TEX36: variants seen among roughly 807,000 people sequenced by gnomAD.
The protein encoded by TEX36 is testis-expressed protein 36.
TEX36 carries 12 observed loss-of-function variants against 13.6 expected under a neutral mutation model. That is an observed-to-expected ratio of 0.88 (90% CI 0.56 to 1.43). The LOEUF (loss-of-function observed/expected upper bound fraction) is 1.43, where lower values mean the gene tolerates loss of function less well. Ranked by LOEUF, TEX36 falls within the 40% of genes most tolerant of loss-of-function variation. The pLI, the probability that TEX36 is intolerant of heterozygous loss-of-function variation, is 0.00. For synonymous variants in TEX36, 93 were observed against 83.0 expected (o/e 1.12, Z -0.65); for missense variants, 224 against 228.3 (o/e 0.98, Z 0.12).
intron 3 of TEX36, among the ~76,000 whole-genome samples, chr10:125,596,606 T>C (rs529476448): frequency 1.3e-5 from 2 of 152,362 alleles, no homozygotes; most frequent in South Asian, 4.1e-4. Flanking sequence ...GTTTATTACC[T>C]TATTGTTGTT....
At chr10:125,623,779 C>T (rs1846454047) in intron 3 of TEX36, among the ~76,000 whole-genome samples, 1 of 152,044 alleles carries the variant, frequency 6.6e-6, no homozygotes, top group African/African-American at 2.4e-5. Flanking sequence ...AAATATGTAC[C>T]CAGGGATTTA....
chr10:125,580,761 G>A (rs559138400), intron 3 of TEX36, among the ~76,000 whole-genome samples: 4 of 152,108 alleles, frequency 2.6e-5, no homozygotes, highest in Non-Finnish European at 5.9e-5. Context: ...CAGGGGTAGG[G>A]AAATGACCCA....
At chr10:125,600,336 AGGGAG>A (rs1300931673) in intron 3 of TEX36, among the ~76,000 whole-genome samples, 1 of 152,020 alleles carries the variant, frequency 6.6e-6, no homozygotes, top group Non-Finnish European at 1.5e-5. Context: ...CTGGGGAGCT[AGGGAG>A]GGAAGAGATC....
chr10:125,586,545 T>G (rs1406797224), intron 3 of TEX36, among the ~76,000 whole-genome samples: 2 of 149,742 alleles, frequency 1.3e-5, no homozygotes, highest in Admixed American at 1.4e-4. Flanking sequence ...CTTCCAGCAG[T>G]GTGAGAGGTC....
chr10:125,647,122 T>C (rs1846781825), intron 3 of TEX36, among the ~76,000 whole-genome samples: 1 of 152,198 alleles, frequency 6.6e-6, no homozygotes, highest in African/African-American at 2.4e-5. Context: ...AATCCATTGA[T>C]ATACCTTATT....
chr10:125,645,782 T>C (rs1024703344), intron 3 of TEX36, among the ~76,000 whole-genome samples: 13 of 152,144 alleles, frequency 8.5e-5, no homozygotes, highest in African/African-American at 2.9e-4. Context: ...CAACTTTCTA[T>C]GGCCCTATAA....
At chr10:125,614,632 T>C (rs1297810047) in intron 3 of TEX36, among the ~76,000 whole-genome samples, 1 of 152,104 alleles carries the variant, frequency 6.6e-6, no homozygotes, top group African/African-American at 2.4e-5. Context: ...TTCTGTTCCA[T>C]TGATCTATAT....
chr10:125,613,755 C>T (rs1012104083), intron 3 of TEX36, among the ~76,000 whole-genome samples: 14 of 152,050 alleles, frequency 9.2e-5, no homozygotes, highest in African/African-American at 3.4e-4. Flanking sequence ...GTGCATGTGT[C>T]TTTATAGCAG....
At chr10:125,651,144 T>C (rs992163110), downstream of TEX36, among the ~76,000 whole-genome samples, 6 of 152,216 alleles carry the variant, frequency 3.9e-5, no homozygotes, top group African/African-American at 1.4e-4. Context: ...CTAAATCTTT[T>C]TATGAGGCCA....
chr10:125,661,876 C>T lies in TEX36; in HGVS notation c.153G>A (p.Lys51=), dbSNP rs1210048479. 3 of 1,552,024 alleles carry T rather than the reference C, an allele frequency of 1.9e-6. No homozygotes were observed. The highest frequency in any genetic ancestry group is 2.6e-6 in the Non-Finnish European group (3 of 1,147,064). ...SPHLPRQAEG[K]LPPIYKVREK... is the part of the protein sequence containing the mutation. The stretch of plus-strand genomic sequence containing the variant: ...CCCGGACTTTGTATATGGGCGGCAG[C>T]TTCCCCTCCGCTTGCCGAGGCAAGT... Residue 51 remains lysine (K), a synonymous_variant, in exon 2 of 4, where the codon AAG becomes AAA. Transcript: ENST00000368821.
chr10:125,589,260 G>C (rs562968319), intron 3 of TEX36, among the ~76,000 whole-genome samples: 1 of 152,274 alleles, frequency 6.6e-6, no homozygotes, highest in Admixed American at 6.5e-5. Context: ...TTTGTCAGTT[G>C]ACCCTGTTGG....
intron 3 of TEX36, among the ~76,000 whole-genome samples, chr10:125,628,537 C>T (rs1846514539): frequency 6.6e-6 from 1 of 152,160 alleles, no homozygotes; most frequent in African/African-American, 2.4e-5. Context: ...GAAAGGCTTC[C>T]TTTGTCTTGA....
At chr10:125,660,673 G>A (rs1034199716) in intron 3 of TEX36, among the ~76,000 whole-genome samples, 1 of 152,048 alleles carries the variant, frequency 6.6e-6, no homozygotes, top group Non-Finnish European at 1.5e-5. Context: ...ACCTTTCCTC[G>A]TGGATCCTGG....
intron 3 of TEX36, among the ~76,000 whole-genome samples, chr10:125,595,654 G>A (rs1846073443): frequency 6.6e-6 from 1 of 152,120 alleles, no homozygotes; most frequent in South Asian, 2.1e-4. Context: ...GAGCACTCCT[G>A]CCTCAGGGCC....
intron 3 of TEX36, among the ~76,000 whole-genome samples, chr10:125,610,867 T>G (rs1846280464): frequency 6.6e-6 from 1 of 152,244 alleles, no homozygotes; most frequent in Admixed American, 6.5e-5. Context: ...TCTCATTTTA[T>G]TTTTTCATAT....
At chr10:125,589,719 A>G (rs1565168240) in intron 3 of TEX36, among the ~76,000 whole-genome samples, 1 of 152,240 alleles carries the variant, frequency 6.6e-6, no homozygotes, top group Non-Finnish European at 1.5e-5. Flanking sequence ...GCAAGACTCA[A>G]TTATCTACTA....
chr10:125,654,669 T>C (rs1041873250), downstream of TEX36, among the ~76,000 whole-genome samples: 1 of 152,164 alleles, frequency 6.6e-6, no homozygotes, highest in Non-Finnish European at 1.5e-5. Flanking sequence ...AGGAGGCCAC[T>C]GTGTGGGAAA....
chr10:125,666,986 TC>T, intron 1 of TEX36: 1 of 1,317,468 alleles, frequency 7.6e-7, no homozygotes, highest in Non-Finnish European at 1.0e-6. Flanking sequence ...CTCACTTGAC[TC>T]CTCCTGGGCA....
At chr10:125,609,447 T>A (rs1846262383) in intron 3 of TEX36, among the ~76,000 whole-genome samples, 1 of 152,194 alleles carries the variant, frequency 6.6e-6, no homozygotes, top group Non-Finnish European at 1.5e-5. Context: ...AGCTGTGGCC[T>A]TGAATGGTGA....
Sources: allele counts gnomAD v4.1 joint callset (sites outside exome capture counted in the v4.1 genomes callset), GRCh38; gene constraint gnomAD v4.1.1; transcripts MANE v1.5; gene names NCBI Gene and HGNC (gene_info 2026-07-23, HGNC 2026-07-21).